Variants in ZNF804A observed in about 807,000 individuals in gnomAD.
ZNF804A encodes the protein zinc finger protein 804A.
A neutral mutation model predicts 16.5 loss-of-function variants in ZNF804A; 2 were observed. The observed-to-expected ratio is 0.12, with a 90% confidence interval of 0.05 to 0.38. ZNF804A has a LOEUF of 0.38. Ranked by LOEUF, ZNF804A falls within the 10% of genes least tolerant of loss-of-function variation. ZNF804A has a pLI of 0.99. For missense variants in ZNF804A, 1,473 were observed against 1,390.7 expected, an observed-to-expected ratio of 1.06 and a Z score of -0.94; for synonymous variants, 534 against 489.6, an observed-to-expected ratio of 1.09 and a Z score of -1.20.
intron 1 of ZNF804A, among the ~76,000 whole-genome samples, chr2:184,855,597 T>TAC (rs936134472): frequency 1.2e-4 from 15 of 123,320 alleles, no homozygotes; most frequent in East Asian, 6.9e-4. Flanking sequence ...AATGTACACA[T>TAC]ACACATATAT....
At chr2:184,785,725 T>C (rs936288300) in intron 1 of ZNF804A, among the ~76,000 whole-genome samples, 1 of 151,982 alleles carries the variant, frequency 6.6e-6, no homozygotes, top group Non-Finnish European at 1.5e-5. Context: ...TACAAGAACA[T>C]TTGTATACCT....
At chr2:184,920,007 C>T (rs1055313421) in intron 2 of ZNF804A, among the ~76,000 whole-genome samples, 13 of 151,952 alleles carry the variant, frequency 8.6e-5, no homozygotes, top group African/African-American at 1.2e-4. Context: ...TCCATCTACT[C>T]GGGAGGCTGA....
intron 2 of ZNF804A, among the ~76,000 whole-genome samples, chr2:184,930,932 G>A (rs1369973715): frequency 1.3e-5 from 2 of 152,158 alleles, no homozygotes; most frequent in Non-Finnish European, 2.9e-5. Flanking sequence ...AAGTAAAGAG[G>A]TTTGACTCAC....
chr2:184,760,309 A>T (rs1559143503), intron 1 of ZNF804A, among the ~76,000 whole-genome samples: 1 of 152,160 alleles, frequency 6.6e-6, no homozygotes, highest in Non-Finnish European at 1.5e-5. Flanking sequence ...ATACTACAAA[A>T]ATGGAGACAT....
intron 1 of ZNF804A, among the ~76,000 whole-genome samples, chr2:184,852,229 T>TTCTCTCTCTCTCTCTCTC (rs10618125): frequency 7.4e-6 from 1 of 134,666 alleles, no homozygotes; most frequent in African/African-American, 2.8e-5. Flanking sequence ...TGCGGTCTCT[T>TTCTCTCTCTCTCTCTCTC]TCTCTCTCTC....
intron 1 of ZNF804A, among the ~76,000 whole-genome samples, chr2:184,629,831 A>G (rs1412847913): frequency 1.3e-5 from 2 of 152,174 alleles, no homozygotes; most frequent in Non-Finnish European, 2.9e-5. Flanking sequence ...GAAGACTATG[A>G]CAGGGTATGT....
chr2:184,630,801 C>T lies in ZNF804A; in HGVS notation c.111+31731C>T, dbSNP rs529651417. ...AAGTGATGAAAATAAACTGTTTATACCAAGAGCTGTTGAGGCACTTGGAAA... is the reference window on the plus strand; with the variant it reads ...AAGTGATGAAAATAAACTGTTTATATCAAGAGCTGTTGAGGCACTTGGAAA... On this transcript the variant is annotated intron_variant, in intron 1 of 3. Coordinates refer to ENST00000302277, the MANE Select transcript of ZNF804A (RefSeq NM_194250.2). Among the ~76,000 whole-genome samples, 8 of 151,840 alleles carry T rather than the reference C, an allele frequency of 5.3e-5. 1 individual carries two copies. The South Asian group carries it at 1.7e-3, about 32-fold the overall frequency.
chr2:184,745,278 A>G (rs552173919), intron 1 of ZNF804A, among the ~76,000 whole-genome samples: 2 of 151,906 alleles, frequency 1.3e-5, no homozygotes, highest in East Asian at 3.9e-4. Context: ...TCCCGGTTTT[A>G]CAAAGAAAAA....
intron 1 of ZNF804A, among the ~76,000 whole-genome samples, chr2:184,724,942 A>G (rs1246518643): frequency 6.6e-6 from 1 of 151,796 alleles, no homozygotes. Context: ...ATTTTAAGAT[A>G]AGAGTAATGT....
intron 1 of ZNF804A, among the ~76,000 whole-genome samples, chr2:184,609,993 G>A (rs1691210544): frequency 6.6e-6 from 1 of 152,202 alleles, no homozygotes; most frequent in African/African-American, 2.4e-5. Flanking sequence ...TGGGACATTT[G>A]GGAGATGATT....
At chr2:184,818,399 C>T (rs954037112) in intron 1 of ZNF804A, among the ~76,000 whole-genome samples, 1 of 151,882 alleles carries the variant, frequency 6.6e-6, no homozygotes, top group Non-Finnish European at 1.5e-5. Flanking sequence ...GCAAGAGCTC[C>T]TGAAGGAAGC....
At chr2:184,831,553 C>A (rs971428117) in intron 1 of ZNF804A, among the ~76,000 whole-genome samples, 1 of 151,848 alleles carries the variant, frequency 6.6e-6, no homozygotes, top group African/African-American at 2.4e-5. Context: ...TTGAGAACAC[C>A]TTGGAAATTC....
chr2:184,855,495 TC>T (rs950779618), intron 1 of ZNF804A, among the ~76,000 whole-genome samples: 1 of 151,896 alleles, frequency 6.6e-6, no homozygotes, highest in African/African-American at 2.4e-5. Context: ...GCATGTACTG[TC>T]CCCCAAATGT....
At chr2:184,843,440 G>T (rs749267815) in intron 1 of ZNF804A, among the ~76,000 whole-genome samples, 35 of 150,828 alleles carry the variant, frequency 2.3e-4, no homozygotes, top group Middle Eastern at 3.4e-3. Flanking sequence ...TTTTTTTTTT[G>T]TGTGTGTGTT....
intron 1 of ZNF804A, among the ~76,000 whole-genome samples, chr2:184,776,834 C>T (rs1161383315): frequency 4.6e-5 from 7 of 151,540 alleles, no homozygotes; most frequent in African/African-American, 7.3e-5. Context: ...CTGGTTTGAA[C>T]ATCTCACTGT....
chr2:184,803,067 C>A (rs1272350861), intron 1 of ZNF804A, among the ~76,000 whole-genome samples: 1 of 151,948 alleles, frequency 6.6e-6, no homozygotes, highest in Admixed American at 6.6e-5. Flanking sequence ...GTAAACTAAG[C>A]CCTAAATAAA....
intron 1 of ZNF804A, among the ~76,000 whole-genome samples, chr2:184,774,439 G>A (rs1305843412): frequency 6.6e-6 from 1 of 151,712 alleles, no homozygotes; most frequent in African/African-American, 2.4e-5. Context: ...TTTGTAGATG[G>A]TTCTCAGGGG....
Position 184,938,808 on chromosome 2 carries a change from C to A in ZNF804A, c.3412C>A (p.Leu1138Ile), listed in dbSNP as rs1203832279. 1 of 1,613,940 alleles carries A rather than the reference C, an allele frequency of 6.2e-7. No individual in the cohort carries two copies. Among genetic ancestry groups the A allele is most frequent in the African/African-American group, 1.3e-5 (1 of 75,012 alleles). ...HQQFLSQIPA[L>I]TRTSLPQLSV... ...ACAGTTTCTTTCCCAAATCCCAGCT[C>A]TCACCAGAACCTCATTACCTCAGCT... is the stretch of plus-strand genomic sequence containing the variant. Residue 1138 changes from leucine (L) to isoleucine (I), a missense_variant, in exon 4 of 4, where the codon CTC (leucine) becomes ATC (isoleucine). Coordinates refer to ENST00000302277, the MANE Select transcript of ZNF804A (RefSeq NM_194250.2).
intron 1 of ZNF804A, among the ~76,000 whole-genome samples, chr2:184,783,717 T>C (rs1381585323): frequency 6.6e-6 from 1 of 151,966 alleles, no homozygotes; most frequent in Non-Finnish European, 1.5e-5. Context: ...GAGCCACGTA[T>C]TCCACAGTGC....
Sources: allele counts gnomAD v4.1 joint callset (sites outside exome capture counted in the v4.1 genomes callset), GRCh38; gene constraint gnomAD v4.1.1; transcripts MANE v1.5; gene names NCBI Gene and HGNC (gene_info 2026-07-23, HGNC 2026-07-21).